Variants in ARHGAP6 observed in about 807,000 individuals in gnomAD.
ARHGAP6 encodes rho GTPase-activating protein 6.
Under a neutral mutation model 55.7 loss-of-function variants are expected in ARHGAP6, and 16 were observed. The ratio of observed to expected loss-of-function variants is 0.29; its 90% CI spans 0.19 to 0.44. The LOEUF (loss-of-function observed/expected upper bound fraction) is 0.44, where lower values mean the gene tolerates loss of function less well. ARHGAP6 is among the 20% of genes least tolerant of loss of function. The probability of loss-of-function intolerance (pLI) is 1.00; values close to 1 mark genes in which losing one functional copy is unlikely to be tolerated. For synonymous variants in ARHGAP6, 382 were observed against 360.9 expected (o/e 1.06, Z -0.66); for missense variants, 698 against 808.9 (o/e 0.86, Z 1.66).
At chrX:11,269,718 A>T (rs1333918304) in intron 1 of ARHGAP6, among the ~76,000 whole-genome samples, 1 of 111,562 alleles carries the variant, frequency 9.0e-6, no homozygotes, top group Non-Finnish European at 1.9e-5. Context: ...TAACCATCAG[A>T]CTCTATCTTT....
chrX:11,543,723 C>A (rs575287419), intron 1 of ARHGAP6, among the ~76,000 whole-genome samples: 28 of 112,032 alleles, frequency 2.5e-4, no homozygotes, highest in Non-Finnish European at 4.7e-4. Context: ...TGAGTTTGGA[C>A]CCGAGACTGT....
At chrX:11,304,379 C>CTGTA (rs2048210729) in intron 1 of ARHGAP6, among the ~76,000 whole-genome samples, 1 of 111,451 alleles carries the variant, frequency 9.0e-6, no homozygotes. Context: ...TGTGAGCCAC[C>CTGTA]ATGCCCGGCC....
intron 8 of ARHGAP6, among the ~76,000 whole-genome samples, chrX:11,175,919 T>C (rs151041594): frequency 7.1e-4 from 77 of 108,879 alleles, no homozygotes; most frequent in Non-Finnish European, 1.2e-3. Context: ...GCTCAGGTTC[T>C]ATGCACAGCT....
chrX:11,577,234 A>C (rs1413257743), intron 1 of ARHGAP6, among the ~76,000 whole-genome samples: 2 of 112,301 alleles, frequency 1.8e-5, no homozygotes, highest in Non-Finnish European at 3.8e-5. Context: ...TGACCACAGG[A>C]GGTAACACCA....
intron 9 of ARHGAP6, among the ~76,000 whole-genome samples, chrX:11,160,210 G>C (rs2147292234): frequency 9.1e-6 from 1 of 109,387 alleles, no homozygotes; most frequent in Admixed American, 9.8e-5. Context: ...AGCACTTTGG[G>C]AGGCCGAGGT....
At chrX:11,468,600 G>C (rs187555319) in intron 1 of ARHGAP6, among the ~76,000 whole-genome samples, 1 of 112,459 alleles carries the variant, frequency 8.9e-6, no homozygotes, top group Non-Finnish European at 1.9e-5. Flanking sequence ...GACATTGTTG[G>C]CAAAAATATT....
chrX:11,308,462 G>A (rs2048260316), intron 1 of ARHGAP6, among the ~76,000 whole-genome samples: 3 of 111,772 alleles, frequency 2.7e-5, no homozygotes, highest in Admixed American at 9.5e-5. Context: ...GCTGCATGGA[G>A]TGGCCACAGG....
chrX:11,149,720 T>C (rs2045748161), intron 10 of ARHGAP6, among the ~76,000 whole-genome samples: 1 of 112,258 alleles, frequency 8.9e-6, no homozygotes. Context: ...TTAAAAGAAA[T>C]GATCTATGTG....
intron 1 of ARHGAP6, among the ~76,000 whole-genome samples, chrX:11,336,958 C>T (rs1033033220): frequency 9.0e-6 from 1 of 111,027 alleles, no homozygotes; most frequent in Non-Finnish European, 1.9e-5. Flanking sequence ...GAGACGTACA[C>T]CGGGTCAGTT....
chrX:11,301,579 T>G, intron 1 of ARHGAP6, among the ~76,000 whole-genome samples: 1 of 112,045 alleles, frequency 8.9e-6, no homozygotes, highest in Non-Finnish European at 1.9e-5. Context: ...AAACATAACT[T>G]TATTGGGAGG....
At chrX:11,346,746 A>G (rs998153794) in intron 1 of ARHGAP6, among the ~76,000 whole-genome samples, 2 of 110,972 alleles carry the variant, frequency 1.8e-5, no homozygotes, top group African/African-American at 6.6e-5. Flanking sequence ...AAAGAAAGAA[A>G]GAAAGAAAGA....
intron 10 of ARHGAP6, among the ~76,000 whole-genome samples, chrX:11,150,136 A>C (rs951682487): frequency 9.0e-6 from 1 of 111,682 alleles, no homozygotes; most frequent in Non-Finnish European, 1.9e-5. Flanking sequence ...ACTTAGCCTT[A>C]TTTAATTAAT....
chrX:11,358,376 T>G lies in ARHGAP6; in HGVS notation c.589-103669A>C, dbSNP rs748630330. Among the ~76,000 whole-genome samples, 6 of 112,012 alleles carry G rather than the reference T, an allele frequency of 5.4e-5. No homozygotes were observed. In the South Asian group the frequency reaches 2.2e-3, roughly 42 times the overall value. Reference sequence around the variant, plus strand: ...GACATATATGTTCATTTCTCTTAGGTAGATAACCAAGAGTGGAGTTTCTGC... The same window carrying G: ...GACATATATGTTCATTTCTCTTAGGGAGATAACCAAGAGTGGAGTTTCTGC... On this transcript the variant is annotated intron_variant, in intron 1 of 12. Coordinates refer to ENST00000337414, the MANE Select transcript of ARHGAP6 (RefSeq NM_013427.3).
At position 11,298,628 on chromosome X, in the gene ARHGAP6, G is replaced by A. The variant is rs142884100; in HGVS notation, c.589-43921C>T. 4.1e-5 allele frequency: 50 copies of A among 1,207,864 alleles called. No individual in the cohort carries two copies. The East Asian group carries it at 1.2e-3, about 29-fold the overall frequency. ...CCGTGCTGTCCCAACAGCACCCCCC[G>A]ACTCACACCCTGCAGCCTCATCACC... On this transcript the variant is annotated intron_variant, in intron 1 of 12. Coordinates refer to ENST00000337414, the MANE Select transcript of ARHGAP6 (RefSeq NM_013427.3).
chrX:11,233,772 A>T (rs987533319), intron 2 of ARHGAP6, among the ~76,000 whole-genome samples: 2 of 112,365 alleles, frequency 1.8e-5, no homozygotes, highest in African/African-American at 6.5e-5. Flanking sequence ...TAAATTATCC[A>T]GTAAAAACCA....
At chrX:11,288,935 AC>A (rs1265546400) in intron 1 of ARHGAP6, among the ~76,000 whole-genome samples, 3 of 112,140 alleles carry the variant, frequency 2.7e-5, no homozygotes, top group Non-Finnish European at 5.6e-5. Flanking sequence ...GGTATATTTT[AC>A]CCAATAAACA....
intron 1 of ARHGAP6, among the ~76,000 whole-genome samples, chrX:11,346,353 TG>T (rs2048783953): frequency 8.9e-6 from 1 of 111,760 alleles, no homozygotes; most frequent in South Asian, 3.7e-4. Context: ...TGACAAAATC[TG>T]TATAGCCTCA....
At chrX:11,317,915 A>G (rs948103684) in intron 1 of ARHGAP6, among the ~76,000 whole-genome samples, 6 of 112,424 alleles carry the variant, frequency 5.3e-5, no homozygotes, top group Non-Finnish European at 9.4e-5. Flanking sequence ...AAGGCCTTCA[A>G]AAGAGGATCA....
chrX:11,354,516 A>G (rs2048910195), intron 1 of ARHGAP6, among the ~76,000 whole-genome samples: 1 of 108,127 alleles, frequency 9.2e-6, no homozygotes, highest in Non-Finnish European at 1.9e-5. Context: ...AAAGGTAAAC[A>G]CAATAATACA....
Sources: allele counts gnomAD v4.1 joint callset (sites outside exome capture counted in the v4.1 genomes callset), GRCh38; gene constraint gnomAD v4.1.1; transcripts MANE v1.5; gene names NCBI Gene and HGNC (gene_info 2026-07-23, HGNC 2026-07-21).